HSPA1A: variants seen among roughly 807,000 people sequenced by gnomAD.
HSPA1A encodes the protein heat shock 70 kDa protein 1A.
HSPA1A carries 5 observed loss-of-function variants against 8.8 expected under a neutral mutation model. The observed-to-expected ratio is 0.57, with a 90% CI of 0.30 to 1.19. HSPA1A has a LOEUF of 1.19. Among genes scored for constraint, HSPA1A ranks in the 50% most tolerant of loss-of-function variants. The pLI is 0.08. For missense variants in HSPA1A, 207 were observed against 430.7 expected, an observed-to-expected ratio of 0.48 and a Z score of 4.60; for synonymous variants, 112 against 188.4, an observed-to-expected ratio of 0.59 and a Z score of 3.32.
At position 31,817,090 on chromosome 6, in the gene HSPA1A, G is replaced by A; in HGVS notation, c.1334G>A (p.Gly445Asp). ...QPGVLIQVYE[G>D]ERAMTKDNNL... The stretch of plus-strand genomic sequence containing the variant: ...GGGGTGCTGATCCAGGTGTACGAGG[G>A]CGAGAGGGCCATGACGAAAGACAAC... The change falls in exon 1 of 1, where the codon GGC becomes GAC. Residue 445 changes from glycine (G) to aspartate (D), a missense_variant. Gly to Asp is a moderately conservative substitution (Grantham distance 94). Around this residue, in one of 5 missense-constraint regions of HSPA1A, gnomAD observed 6 missense variants for 109.6 expected, o/e 0.05. Coordinates refer to ENST00000375651, the MANE Select transcript of HSPA1A (RefSeq NM_005345.6). 2.1e-6 allele frequency: 1 copy of A among 476,308 alleles called. No individual in the cohort carries two copies. The highest frequency in any genetic ancestry group is 4.8e-5 in the Admixed American group (1 of 20,942). The allele number at this position is 476,308 out of a possible 1,614,324, so 29.5% of individuals were successfully genotyped here.
At position 31,817,710 on chromosome 6, in the gene HSPA1A, T is replaced by G. The variant is rs2151473267; in HGVS notation, c.*28T>G. On this transcript the variant is annotated 3_prime_UTR_variant, in exon 1 of 1. Transcript: ENST00000375651. ...GCCTTTCCAAGATTGCTGTTTTTGT[T>G]TTGGAGCTTCAAGACTTTGCATTTC... The G allele has an allele frequency of 6.3e-7, 1 of 1,595,996 alleles. No individual in the cohort carries two copies. The highest frequency in any genetic ancestry group is 1.3e-5 in the African/African-American group (1 of 74,272).
chr6:31,817,595 T>C lies in HSPA1A; in HGVS notation c.1839T>C (p.Gly613=), dbSNP rs1418439114. The change falls in exon 1 of 1, where the codon GGT becomes GGC. Residue 613 remains glycine, a synonymous_variant. Coordinates refer to ENST00000375651, the MANE Select transcript of HSPA1A (RefSeq NM_005345.6). Reference sequence around the variant, plus strand: ...CCATCATCAGCGGACTGTACCAGGGTGCCGGTGGTCCCGGGCCTGGGGGCT... The same window carrying C: ...CCATCATCAGCGGACTGTACCAGGGCGCCGGTGGTCCCGGGCCTGGGGGCT... ...CNPIISGLYQ[G]AGGPGPGGFG... is the part of the protein sequence containing the mutation. 3.1e-6 allele frequency: 5 copies of C among 1,612,566 alleles called. No homozygotes were observed. Among genetic ancestry groups the C allele is most frequent in the Non-Finnish European group, 4.2e-6 (5 of 1,179,960 alleles).
At position 31,817,823 on chromosome 6, in the gene HSPA1A, T is replaced by C. The variant is rs1439796536; in HGVS notation, c.*141T>C. On this transcript the variant is annotated 3_prime_UTR_variant, in exon 1 of 1. Coordinates refer to ENST00000375651, the MANE Select transcript of HSPA1A (RefSeq NM_005345.6). ...AGTACTGAACTTGCTTTTTTTCCGGTTTCTACATGCAGAGATGAATTTATA... is the reference window on the plus strand; with the variant it reads ...AGTACTGAACTTGCTTTTTTTCCGGCTTCTACATGCAGAGATGAATTTATA... 2.7e-6 allele frequency: 4 copies of C among 1,457,792 alleles called. No homozygotes were observed. The Admixed American group carries it at 8.5e-5, about 31-fold the overall frequency. 90.3% of individuals were successfully genotyped at this position (1,457,792 alleles called of 1,614,324 possible). A position where few individuals can be genotyped will look rare whatever the true frequency, so the allele number is the denominator to read the frequency against.
Position 31,817,921 on chromosome 6 carries a change from G to A in HSPA1A, c.*239G>A, listed in dbSNP as rs1041856466. ...CATTTTTTAAGTTGGTTACTTCAAAGTAAATAAACTTTAAAATTCAAGTGA... is the reference window on the plus strand; with the variant it reads ...CATTTTTTAAGTTGGTTACTTCAAAATAAATAAACTTTAAAATTCAAGTGA... On this transcript the variant is annotated 3_prime_UTR_variant, in exon 1 of 1. Transcript: ENST00000375651. 4.9e-6 allele frequency: 7 copies of A among 1,417,716 alleles called. No homozygotes were observed. Among genetic ancestry groups the A allele is most frequent in the African/African-American group, 1.4e-5 (1 of 69,102 alleles). 87.8% of individuals were successfully genotyped at this position (1,417,716 alleles called of 1,614,324 possible).
Position 31,815,621 on chromosome 6 carries a change from A to G in HSPA1A, c.-136A>G. The G allele has an allele frequency of 6.2e-7, 1 of 1,602,422 alleles. No individual in the cohort carries two copies. The highest frequency in any genetic ancestry group is 8.5e-7 in the Non-Finnish European group (1 of 1,173,884). On this transcript the variant is annotated 5_prime_UTR_variant, in exon 1 of 1. Transcript: ENST00000375651. ...CTCCCGTTGTCCCAAGGCTTCCCAGAGCGAACCTGTGCGGCTGCAGGCACC... is the reference window on the plus strand; with the variant it reads ...CTCCCGTTGTCCCAAGGCTTCCCAGGGCGAACCTGTGCGGCTGCAGGCACC...
Position 31,815,626 on chromosome 6 carries a change from A to G in HSPA1A, c.-131A>G, listed in dbSNP as rs1369859225. The stretch of plus-strand genomic sequence containing the variant: ...GTTGTCCCAAGGCTTCCCAGAGCGA[A>G]CCTGTGCGGCTGCAGGCACCGGCGC... On this transcript the variant is annotated 5_prime_UTR_variant, in exon 1 of 1. Coordinates refer to ENST00000375651, the MANE Select transcript of HSPA1A (RefSeq NM_005345.6). 4 of 1,606,052 alleles carry G rather than the reference A, an allele frequency of 2.5e-6. No homozygotes were observed. Among genetic ancestry groups the G allele is most frequent in the Non-Finnish European group, 3.4e-6 (4 of 1,176,122 alleles).
In HSPA1A at chr6:31,815,597, T is replaced by C; in HGVS notation, c.-160T>C. 6.5e-7 allele frequency: 1 copy of C among 1,543,682 alleles called. No individual in the cohort carries two copies. The highest frequency in any genetic ancestry group is 8.8e-7 in the Non-Finnish European group (1 of 1,131,548). On this transcript the variant is annotated 5_prime_UTR_variant, in exon 1 of 1. Coordinates refer to ENST00000375651, the MANE Select transcript of HSPA1A (RefSeq NM_005345.6). ...GTCCACTACCTTTTTCGAGAGTGAC[T>C]CCCGTTGTCCCAAGGCTTCCCAGAG...
Position 31,817,592 on chromosome 6 carries a change from GGGTGCCGGT to G in HSPA1A, c.1840_1848del (p.Ala614_Gly616del). On this transcript the variant is annotated inframe_deletion, in exon 1 of 1. Coordinates refer to ENST00000375651, the MANE Select transcript of HSPA1A (RefSeq NM_005345.6). ...ACCCCATCATCAGCGGACTGTACCA[GGGTGCCGGT>G]GGTCCCGGGCCTGGGGGCTTCGGGG... 6.2e-7 allele frequency: 1 copy of G among 1,612,900 alleles called. No individual in the cohort carries two copies. Among genetic ancestry groups the G allele is most frequent in the South Asian group, 1.1e-5 (1 of 91,070 alleles).
At position 31,816,013 on chromosome 6, in the gene HSPA1A, A is replaced by G; in HGVS notation, c.257A>G (p.Asp86Gly). ...TTCGGCGACCCGGTGGTGCAGTCGG[A>G]CATGAAGCACTGGCCTTTCCAGGTG... ...RKFGDPVVQS[D>G]MKHWPFQVIN... The change falls in exon 1 of 1, where the codon GAC (aspartate) becomes GGC (glycine). Residue 86 changes from aspartate (D) to glycine (G), a missense_variant. Around this residue, in one of 5 missense-constraint regions of HSPA1A, gnomAD observed 129 missense variants for 173.1 expected, o/e 0.75. Transcript: ENST00000375651. The G allele has an allele frequency of 8.4e-7, 1 of 1,192,742 alleles. No individual in the cohort carries two copies. Among genetic ancestry groups the G allele is most frequent in the Non-Finnish European group, 1.1e-6 (1 of 874,906 alleles). The allele number at this position is 1,192,742 out of a possible 1,614,324, so 73.9% of individuals were successfully genotyped here.
rs767312593 is a variant in HSPA1A at position 31,815,804 on chromosome 6, C to G, written c.48C>G (p.Ser16=). 11 of 1,613,040 alleles carry G rather than the reference C, an allele frequency of 6.8e-6. No homozygotes were observed. Among genetic ancestry groups the G allele is most frequent in the Non-Finnish European group, 8.5e-6 (10 of 1,179,758 alleles). The part of the protein sequence containing the change: ...AIGIDLGTTY[S]CVGVFQHGKV... Reference sequence around the variant, plus strand: ...GCATCGACCTGGGCACCACCTACTCCTGCGTGGGGGTGTTCCAACACGGCA... The same window carrying G: ...GCATCGACCTGGGCACCACCTACTCGTGCGTGGGGGTGTTCCAACACGGCA... The change falls in exon 1 of 1, where the codon TCC becomes TCG. Residue 16 remains serine, a synonymous_variant. Transcript: ENST00000375651.
rs1815885668 is a variant in HSPA1A, at chr6:31,815,649, C to T, written c.-108C>T. 3 of 1,611,774 alleles carry T rather than the reference C, an allele frequency of 1.9e-6. No homozygotes were observed. The highest frequency in any genetic ancestry group is 1.7e-5 in the Admixed American group (1 of 59,854). ...GAACCTGTGCGGCTGCAGGCACCGG[C>T]GCGTCGAGTTTCCGGCGTCCGGAAG... On this transcript the variant is annotated 5_prime_UTR_variant, in exon 1 of 1. Transcript: ENST00000375651.
In HSPA1A at chr6:31,817,444, G is replaced by C; in HGVS notation, c.1688G>C (p.Ser563Thr). Reference protein sequence around the residue: ...VEDEGLKGKISEADKKKVLDK... With the variant: ...VEDEGLKGKITEADKKKVLDK... ...GATGAGGGGCTCAAGGGCAAGATCA[G>C]CGAGGCGGACAAGAAGAAGGTGCTG... The change falls in exon 1 of 1, where the codon AGC becomes ACC. Residue 563 changes from serine to threonine, a missense_variant. By Grantham distance (58) the Ser-to-Thr change is moderately conservative (BLOSUM62 1). Around this residue, in one of 5 missense-constraint regions of HSPA1A, gnomAD observed 26 missense variants for 21.3 expected, o/e 1.22. Transcript: ENST00000375651. 1 of 1,612,378 alleles carries C rather than the reference G, an allele frequency of 6.2e-7. No homozygotes were observed. The highest frequency in any genetic ancestry group is 8.5e-7 in the Non-Finnish European group (1 of 1,179,836).
Position 31,817,544 on chromosome 6 carries a change from G to A in HSPA1A, c.1788G>A (p.Arg596=), listed in dbSNP as rs762950219. The A allele has an allele frequency of 3.1e-6, 5 of 1,612,710 alleles. No individual in the cohort carries two copies. Among genetic ancestry groups the A allele is most frequent in the Admixed American group, 1.7e-5 (1 of 59,994 alleles). ...LAEKDEFEHK[R]KELEQVCNPI... ...AGAAGGACGAGTTTGAGCACAAGAG[G>A]AAGGAGCTGGAGCAGGTGTGTAACC... Residue 596 remains arginine, a synonymous_variant, in exon 1 of 1, where the codon AGG becomes AGA. Transcript: ENST00000375651.
chr6:31,817,831 T>A lies in HSPA1A; in HGVS notation c.*149T>A. The stretch of plus-strand genomic sequence containing the variant: ...ACTTGCTTTTTTTCCGGTTTCTACA[T>A]GCAGAGATGAATTTATACTGCCATC... On this transcript the variant is annotated 3_prime_UTR_variant, in exon 1 of 1. Coordinates refer to ENST00000375651, the MANE Select transcript of HSPA1A (RefSeq NM_005345.6). The A allele has an allele frequency of 6.9e-7, 1 of 1,453,096 alleles. No homozygotes were observed. Among genetic ancestry groups the A allele is most frequent in the Non-Finnish European group, 9.1e-7 (1 of 1,102,652 alleles). The allele number at this position is 1,453,096 out of a possible 1,614,324, so 90.0% of individuals were successfully genotyped here.
At position 31,817,709 on chromosome 6, in the gene HSPA1A, T is replaced by C. The variant is rs1429076197; in HGVS notation, c.*27T>C. On this transcript the variant is annotated 3_prime_UTR_variant, in exon 1 of 1. Transcript: ENST00000375651. ...GGCCTTTCCAAGATTGCTGTTTTTG[T>C]TTTGGAGCTTCAAGACTTTGCATTT... The C allele has an allele frequency of 1.3e-6, 2 of 1,596,082 alleles. No individual in the cohort carries two copies. Among genetic ancestry groups the C allele is most frequent in the Non-Finnish European group, 8.5e-7 (1 of 1,170,842 alleles).
chr6:31,816,004 T>C lies in HSPA1A; in HGVS notation c.248T>C (p.Val83Ala). 7.8e-7 allele frequency: 1 copy of C among 1,284,784 alleles called. No individual in the cohort carries two copies. Among genetic ancestry groups the C allele is most frequent in the Non-Finnish European group, 1.0e-6 (1 of 953,022 alleles). The allele number at this position is 1,284,784 out of a possible 1,614,324, so 79.6% of individuals were successfully genotyped here. A position where few individuals can be genotyped will look rare whatever the true frequency, so the allele number is the denominator to read the frequency against. Residue 83 changes from valine (V) to alanine (A), a missense_variant, in exon 1 of 1, where the codon GTG (valine) becomes GCG (alanine). Val to Ala is a moderately conservative substitution (Grantham distance 64, BLOSUM62 0). Transcript: ENST00000375651. Reference protein sequence around the residue: ...LIGRKFGDPVVQSDMKHWPFQ... With the variant: ...LIGRKFGDPVAQSDMKHWPFQ... ...GGCCGCAAGTTCGGCGACCCGGTGG[T>C]GCAGTCGGACATGAAGCACTGGCCT...
Position 31,817,490 on chromosome 6 carries a change from C to G in HSPA1A, c.1734C>G (p.Ile578Met). ...KKVLDKCQEV[I>M]SWLDANTLAE... ...TGCTGGACAAGTGTCAAGAGGTCATCTCGTGGCTGGACGCCAACACCTTGG... is the reference window on the plus strand; with the variant it reads ...TGCTGGACAAGTGTCAAGAGGTCATGTCGTGGCTGGACGCCAACACCTTGG... Residue 578 changes from isoleucine (I) to methionine (M), a missense_variant, in exon 1 of 1, where the codon ATC becomes ATG. Around this residue, in one of 5 missense-constraint regions of HSPA1A, gnomAD observed 26 missense variants for 21.3 expected, o/e 1.22. Coordinates refer to ENST00000375651, the MANE Select transcript of HSPA1A (RefSeq NM_005345.6). 1 of 1,612,774 alleles carries G rather than the reference C, an allele frequency of 6.2e-7. No homozygotes were observed.
rs760960640 is a variant in HSPA1A at position 31,817,439 on chromosome 6, G to A, written c.1683G>A (p.Lys561=). The A allele has an allele frequency of 6.2e-6, 10 of 1,612,288 alleles. No homozygotes were observed. In the South Asian group the frequency reaches 1.1e-4, roughly 18 times the overall value. ...SAVEDEGLKG[K]ISEADKKKVL... ...TGGAGGATGAGGGGCTCAAGGGCAA[G>A]ATCAGCGAGGCGGACAAGAAGAAGG... Residue 561 remains lysine (K), a synonymous_variant, in exon 1 of 1, where the codon AAG becomes AAA. Coordinates refer to ENST00000375651, the MANE Select transcript of HSPA1A (RefSeq NM_005345.6).
In HSPA1A at chr6:31,816,353, C is replaced by T. The variant is rs1462458977; in HGVS notation, c.597C>T (p.Asp199=). 2.7e-5 allele frequency: 4 copies of T among 148,280 alleles called. No homozygotes were observed. Among genetic ancestry groups the T allele is most frequent in the South Asian group, 8.7e-5 (2 of 22,968 alleles). 9.2% of individuals were successfully genotyped at this position (148,280 alleles called of 1,614,324 possible). The change falls in exon 1 of 1, where the codon GAC becomes GAT. Residue 199 remains aspartate, a synonymous_variant. Coordinates refer to ENST00000375651, the MANE Select transcript of HSPA1A (RefSeq NM_005345.6). ...GKGERNVLIF[D]LGGGTFDVSI... ...GGGAGCGCAACGTGCTCATCTTTGA[C>T]CTGGGCGGGGGCACCTTCGACGTGT...
Sources: allele counts gnomAD v4.1 joint callset, GRCh38; gene constraint gnomAD v4.1.1; regional missense constraint gnomAD v4.1.1; transcripts MANE v1.5; gene names NCBI Gene and HGNC (gene_info 2026-07-23, HGNC 2026-07-21).